Variants in CPD observed in about 807,000 individuals in gnomAD.
The protein encoded by CPD is metallocarboxypeptidase D.
In CPD, 69 loss-of-function variants were observed where a neutral mutation model predicts 138.3. The observed-to-expected ratio is 0.50, with a 90% CI of 0.41 to 0.61. The LOEUF is 0.61. CPD is among the 20% of genes least tolerant of loss of function. The pLI is 0.00. For synonymous variants in CPD, 651 were observed against 642.1 expected (o/e 1.01, Z -0.21); for missense variants, 1,432 against 1,733.3 (o/e 0.83, Z 3.09).
rs140102865 is a variant in CPD, at chr17:30,451,763, G to A, written c.3122G>A (p.Arg1041Gln). Reference protein sequence around the residue: ...VIVPSLNPDGRERAQEKDCTS... With the variant: ...VIVPSLNPDGQERAQEKDCTS... ...GTCCCTTCTCTAAATCCAGATGGGC[G>A]AGAGAGAGCTCAAGAGAAAGACTGT... is the stretch of plus-strand genomic sequence containing the variant. The change falls in exon 14 of 21, where the codon CGA becomes CAA. Residue 1041 changes from arginine to glutamine, a missense_variant. Around this residue, in one of 6 missense-constraint regions of CPD, gnomAD observed 366 missense variants for 518.8 expected, o/e 0.71. Transcript: ENST00000225719. 9.9e-6 allele frequency: 16 copies of A among 1,613,870 alleles called. No individual in the cohort carries two copies. The highest frequency in any genetic ancestry group is 1.3e-5 in the Non-Finnish European group (15 of 1,179,928).
At chr17:30,421,548 G>C (rs920322452) in intron 3 of CPD, 116 bp from the exon 4 acceptor site, 6 of 810,414 alleles carry the variant, frequency 7.4e-6, no homozygotes, top group Non-Finnish European at 1.2e-5. Context: ...AAATGTTTTG[G>C]GGGAGAGAGA....
At chr17:30,461,456 CTAAA>C (rs1567885849) in intron 18 of CPD, 145 bp downstream of exon 18, 1 of 554,026 alleles carries the variant, frequency 1.8e-6, no homozygotes, top group Admixed American at 4.2e-5. Flanking sequence ...TTTATGTTTC[CTAAA>C]TAGATGCCAT....
At chr17:30,425,353 G>A (rs1358784373) in intron 6 of CPD, among the ~76,000 whole-genome samples, 2 of 152,082 alleles carry the variant, frequency 1.3e-5, no homozygotes, top group South Asian at 2.1e-4. Flanking sequence ...TACAAGTACA[G>A]AGAGGAGTAT....
intron 2 of CPD, among the ~76,000 whole-genome samples, chr17:30,406,086 T>C (rs1911794971): frequency 6.6e-6 from 1 of 152,078 alleles, no homozygotes; most frequent in East Asian, 1.9e-4. Flanking sequence ...GTAAAAAATA[T>C]TGATTTTTAT....
At chr17:30,403,424 T>C (rs1010496470) in intron 2 of CPD, among the ~76,000 whole-genome samples, 1 of 152,196 alleles carries the variant, frequency 6.6e-6, no homozygotes, top group African/African-American at 2.4e-5. Flanking sequence ...ATGAGATCCC[T>C]TTCTCACATT....
At chr17:30,403,149 GT>G (rs1911720785) in intron 2 of CPD, among the ~76,000 whole-genome samples, 1 of 152,108 alleles carries the variant, frequency 6.6e-6, no homozygotes, top group Non-Finnish European at 1.5e-5. Context: ...TTGTCTGTTT[GT>G]GCCATCAGGG....
At chr17:30,389,420 T>G (rs1264474953) in intron 2 of CPD, among the ~76,000 whole-genome samples, 1 of 152,242 alleles carries the variant, frequency 6.6e-6, no homozygotes, top group Non-Finnish European at 1.5e-5. Context: ...TAATGTGTAA[T>G]TTTTACATTT....
intron 2 of CPD, among the ~76,000 whole-genome samples, chr17:30,406,878 A>G (rs1445601306): frequency 1.3e-5 from 2 of 152,036 alleles, no homozygotes; most frequent in African/African-American, 4.8e-5. Flanking sequence ...GGTTTGTTAC[A>G]TAGGTATACA....
chr17:30,407,276 A>G (rs1911825736), intron 2 of CPD, among the ~76,000 whole-genome samples: 1 of 152,210 alleles, frequency 6.6e-6, no homozygotes, highest in African/African-American at 2.4e-5. Flanking sequence ...CAATAAACAT[A>G]CATGTGCATG....
chr17:30,386,394 G>T (rs1350666492), intron 2 of CPD, among the ~76,000 whole-genome samples: 3 of 151,922 alleles, frequency 2.0e-5, no homozygotes, highest in Non-Finnish European at 4.4e-5. Flanking sequence ...GGTGATCATG[G>T]AATGCTGTTT....
intron 2 of CPD, among the ~76,000 whole-genome samples, chr17:30,410,020 T>C (rs1911920068): frequency 6.6e-6 from 1 of 152,248 alleles, no homozygotes; most frequent in Non-Finnish European, 1.5e-5. Flanking sequence ...CTCTACACAC[T>C]GCTTTAAATG....
intron 14 of CPD, chr17:30,454,270 C>T (rs1464385735): frequency 6.5e-6 from 1 of 153,456 alleles, no homozygotes; most frequent in Non-Finnish European, 1.4e-5. Context: ...CATGTCACCT[C>T]TTGAATGCTT....
intron 2 of CPD, among the ~76,000 whole-genome samples, chr17:30,415,812 A>G (rs1279728580): frequency 6.6e-6 from 1 of 152,246 alleles, no homozygotes; most frequent in Admixed American, 6.5e-5. Context: ...AGCCTTAAAA[A>G]AGAAGGGAAT....
chr17:30,379,661 C>T lies in CPD; in HGVS notation c.681C>T (p.Gly227=). 2 of 1,524,042 alleles carry T rather than the reference C, an allele frequency of 1.3e-6. No individual in the cohort carries two copies. Among genetic ancestry groups the T allele is most frequent in the South Asian group, 1.2e-5 (1 of 82,146 alleles). 94.4% of individuals were successfully genotyped at this position (1,524,042 alleles called of 1,614,324 possible). Residue 227 remains glycine (G), a synonymous_variant, in exon 1 of 21, where the codon GGC becomes GGT. Coordinates refer to ENST00000225719, the MANE Select transcript of CPD (RefSeq NM_001304.5). The surrounding 1 kb of genome is among the most constrained non-coding windows in gnomAD (Gnocchi z 7.0). The stretch of plus-strand genomic sequence containing the variant: ...GCTTTCCCGACCAGTTTAGCACCGG[C>T]GAACCCCCCGCCCTGGACGAGGTGC... The part of the protein sequence containing the change: ...NRSFPDQFST[G]EPPALDEVPE...
Position 30,456,539 on chromosome 17 carries a change from G to C in CPD, c.3498+13G>C. The C allele has an allele frequency of 6.2e-7, 1 of 1,613,212 alleles. No individual in the cohort carries two copies. The highest frequency in any genetic ancestry group is 8.5e-7 in the Non-Finnish European group (1 of 1,179,212). ...GGGCAGCATGAAGGTATGCTTTCTA[G>C]AACATGGTTAGAATGGAGTTATGGC... On this transcript the variant is annotated intron_variant, in intron 17 of 20. Coordinates refer to ENST00000225719, the MANE Select transcript of CPD (RefSeq NM_001304.5).
chr17:30,392,025 T>C (rs1261709650), intron 2 of CPD, among the ~76,000 whole-genome samples: 1 of 151,620 alleles, frequency 6.6e-6, no homozygotes, highest in African/African-American at 2.4e-5. Context: ...TTTTTTTTTT[T>C]TGGAGACAAA....
intron 11 of CPD, among the ~76,000 whole-genome samples, chr17:30,445,203 G>C (rs1271367868): frequency 6.6e-6 from 1 of 152,120 alleles, no homozygotes; most frequent in Non-Finnish European, 1.5e-5. Context: ...GGTGGCTCAG[G>C]TCTGTAATCC....
In CPD at chr17:30,461,938, T is replaced by A; in HGVS notation, c.3692T>A (p.Val1231Asp). 5 of 1,613,688 alleles carry A rather than the reference T, an allele frequency of 3.1e-6. No homozygotes were observed. The highest frequency in any genetic ancestry group is 3.4e-6 in the Non-Finnish European group (4 of 1,179,800). The change falls in exon 19 of 21, where the codon GTC (valine) becomes GAC (aspartate). Residue 1231 changes from valine to aspartate, a missense_variant. By Grantham distance (152) the Val-to-Asp change is radical (BLOSUM62 -3). Transcript: ENST00000225719. ...DKTGKPISKA[V>D]IVLNEGIKVQ... is the part of the protein sequence containing the mutation. ...ACTGGAAAGCCAATCTCTAAAGCAG[T>A]CATTGTACTTAATGAAGGAATAAAG...
At chr17:30,447,119 G>A (rs1913052710) in intron 12 of CPD, among the ~76,000 whole-genome samples, 1 of 152,178 alleles carries the variant, frequency 6.6e-6, no homozygotes, top group Non-Finnish European at 1.5e-5. Context: ...CTTCCATTCT[G>A]TAGGTTGCCT....
Sources: gnomAD v4.1 joint callset for allele counts (sites outside exome capture counted in the v4.1 genomes callset) on GRCh38, gnomAD v4.1.1 for gene constraint, gnomAD v4.1.1 regional missense constraint, Gnocchi (gnomAD v3.1) non-coding constraint, MANE v1.5 for transcripts, NCBI Gene and HGNC (gene_info 2026-07-23, HGNC 2026-07-21) for gene names.